PCDHA5: variants seen among roughly 807,000 people sequenced by gnomAD.
PCDHA5 encodes protocadherin alpha 5.
Under a neutral mutation model 61.6 loss-of-function variants are expected in PCDHA5, and 43 were observed. The observed-to-expected ratio is 0.70, with a 90% CI of 0.55 to 0.90. The LOEUF is 0.90. Ranked by LOEUF, PCDHA5 falls within the 40% of genes least tolerant of loss-of-function variation. The pLI is 0.00. For missense variants in PCDHA5, 1,298 were observed against 1,222.7 expected (o/e 1.06, Z -0.92); for synonymous variants, 627 against 543.9 (o/e 1.15, Z -2.13).
At chr5:140,841,924 C>T (rs1199272696) in intron 1 of PCDHA5, 2 of 1,613,772 alleles carry the variant, frequency 1.2e-6, no homozygotes, top group African/African-American at 2.7e-5. Context: ...AATCCTTGGA[C>T]AGAGAGGACG....
At chr5:140,829,700 G>A (rs188962276) in intron 1 of PCDHA5, 3 of 1,613,364 alleles carry the variant, frequency 1.9e-6, no homozygotes, top group Non-Finnish European at 1.7e-6. Flanking sequence ...TCAGGTGAGC[G>A]CGCGCGACGC....
At chr5:140,841,820 G>A in intron 1 of PCDHA5, 2 of 1,613,910 alleles carry the variant, frequency 1.2e-6, no homozygotes, top group Non-Finnish European at 1.7e-6. Context: ...AGCTAACTCC[G>A]TGTTAACCTA....
At chr5:140,965,343 T>C (rs1460433512) in intron 1 of PCDHA5, among the ~76,000 whole-genome samples, 1 of 152,154 alleles carries the variant, frequency 6.6e-6, no homozygotes, top group Admixed American at 6.5e-5. Flanking sequence ...TGTCTCTGTG[T>C]TGCCTCTATA....
intron 1 of PCDHA5, chr5:140,859,133 A>C (rs1196792734): frequency 6.7e-6 from 1 of 150,106 alleles, no homozygotes; most frequent in Non-Finnish European, 1.5e-5. Flanking sequence ...TTTTATTTAC[A>C]TAATTTTATC....
At chr5:140,927,889 G>T (rs1554205185) in intron 1 of PCDHA5, 1 of 1,614,226 alleles carries the variant, frequency 6.2e-7, no homozygotes, top group Non-Finnish European at 8.5e-7. Context: ...GGTGACTGAC[G>T]TGAACGATCA....
chr5:140,870,480 C>T, intron 1 of PCDHA5: 1 of 1,614,236 alleles, frequency 6.2e-7, no homozygotes, highest in Non-Finnish European at 8.5e-7. Context: ...AGCCCGAGTA[C>T]ACCGTGTTCG....
Position 140,928,898 on chromosome 5 carries a change from A to T in PCDHA5, c.2353-50051A>T, listed in dbSNP as rs782530169. ...CCTCAGTTACTTCCAGACTTTGAAGATGTCTGGGAACCAGGAGGGCAGCTT... is the reference window on the plus strand; with the variant it reads ...CCTCAGTTACTTCCAGACTTTGAAGTTGTCTGGGAACCAGGAGGGCAGCTT... On this transcript the variant is annotated intron_variant, in intron 1 of 3. Coordinates refer to ENST00000529859, the MANE Select transcript of PCDHA5 (RefSeq NM_018908.3). 77 of 1,614,004 alleles carry T rather than the reference A, an allele frequency of 4.8e-5. No individual in the cohort carries two copies. The African/African-American group carries it at 7.2e-4, about 15-fold the overall frequency.
At position 140,941,246 on chromosome 5, in the gene PCDHA5, T is replaced by TCCTTC. The variant is rs1465255424; in HGVS notation, c.2353-37702_2353-37701insCTTCC. Among the ~76,000 whole-genome samples, 4 of 141,078 alleles carry TCCTTC rather than the reference T, an allele frequency of 2.8e-5. No individual in the cohort carries two copies. In the East Asian group the frequency reaches 8.2e-4, roughly 29 times the overall value. 92.6% of individuals were successfully genotyped at this position (141,078 alleles called of 152,430 possible). On this transcript the variant is annotated intron_variant, in intron 1 of 3. Coordinates refer to ENST00000529859, the MANE Select transcript of PCDHA5 (RefSeq NM_018908.3). Reference sequence around the variant, plus strand: ...TTCTTTCTTTCTTTCTTTCTTTCTTTCTTTCTTTCTCTTTCTTTCTTTCTT... The same window carrying TCCTTC: ...TTCTTTCTTTCTTTCTTTCTTTCTTTCCTTCCTTTCTTTCTCTTTCTTTCTTTCTT...
At chr5:140,992,017 C>CTGTGTGTGTGTGTG (rs10602499) in intron 3 of PCDHA5, among the ~76,000 whole-genome samples, 1 of 145,628 alleles carries the variant, frequency 6.9e-6, no homozygotes, top group African/African-American at 2.5e-5. Flanking sequence ...AGAGGTGGCT[C>CTGTGTGTGTGTGTG]TGTGTGTGTG....
chr5:141,000,393 C>A (rs60881126), intron 3 of PCDHA5, among the ~76,000 whole-genome samples: 1,562 of 52,558 alleles, frequency 0.03, 14 homozygotes, highest in East Asian at 0.037. Context: ...CTCTCTCTCT[C>A]TCTATATATA....
intron 1 of PCDHA5, among the ~76,000 whole-genome samples, chr5:140,880,783 G>A (rs1296382612): frequency 6.6e-6 from 1 of 152,154 alleles, no homozygotes; most frequent in Non-Finnish European, 1.5e-5. Flanking sequence ...GAATGTTAGA[G>A]GAGTAATATA....
At chr5:140,868,877 C>A in intron 1 of PCDHA5, 1 of 684,342 alleles carries the variant, frequency 1.5e-6, no homozygotes, top group Non-Finnish European at 2.3e-6. Flanking sequence ...GCACAGTACT[C>A]ACAGTTTTAG....
chr5:140,835,560 G>A, intron 1 of PCDHA5: 3 of 1,613,902 alleles, frequency 1.9e-6, no homozygotes, highest in Non-Finnish European at 2.5e-6. Flanking sequence ...GACGCCCCGC[G>A]TTCCCTTCAA....
intron 1 of PCDHA5, among the ~76,000 whole-genome samples, chr5:140,961,681 G>A (rs911141843): frequency 3.9e-5 from 6 of 152,152 alleles, no homozygotes; most frequent in African/African-American, 9.7e-5. Context: ...TAATTAAGCC[G>A]GAGTAGTCCT....
intron 1 of PCDHA5, chr5:140,881,278 T>G: frequency 5.4e-6 from 4 of 743,002 alleles, no homozygotes; most frequent in Non-Finnish European, 6.6e-6. Flanking sequence ...TGAAGTAAGA[T>G]GGAGAGAGAA....
At chr5:140,830,746 G>T in intron 1 of PCDHA5, 1 of 191,342 alleles carries the variant, frequency 5.2e-6, no homozygotes, top group Non-Finnish European at 1.1e-5. Context: ...GTCGTTTTCT[G>T]TTGCATTTTA....
At chr5:140,846,369 C>CTTTTTTTTTTT (rs797033964) in intron 1 of PCDHA5, among the ~76,000 whole-genome samples, 5 of 102,192 alleles carry the variant, frequency 4.9e-5, no homozygotes, top group African/African-American at 7.6e-5. Context: ...TCTTTTCTTT[C>CTTTTTTTTTTT]TTTCTTTTTT....
chr5:140,840,028 C>T (rs1159245345), intron 1 of PCDHA5, among the ~76,000 whole-genome samples: 2 of 151,974 alleles, frequency 1.3e-5, no homozygotes, highest in Non-Finnish European at 2.9e-5. Context: ...GGTCACGTAG[C>T]GTATCTCCCA....
chr5:140,955,001 A>G (rs551398126), intron 1 of PCDHA5, among the ~76,000 whole-genome samples: 101 of 152,200 alleles, frequency 6.6e-4, no homozygotes, highest in Middle Eastern at 6.8e-3. Flanking sequence ...TGGCTAGCCA[A>G]TTCTCCCAGC....
Sources: allele counts gnomAD v4.1 joint callset (sites outside exome capture counted in the v4.1 genomes callset), GRCh38; gene constraint gnomAD v4.1.1; transcripts MANE v1.5; gene names NCBI Gene and HGNC (gene_info 2026-07-23, HGNC 2026-07-21).